The following SYNPR variants were observed in gnomAD, a reference collection of about 807,000 sequenced individuals.
SYNPR encodes synaptoporin.
Under a neutral mutation model 32.9 loss-of-function variants are expected in SYNPR, and 23 were observed. The observed-to-expected ratio is 0.70, with a 90% CI of 0.50 to 0.99. SYNPR has a LOEUF of 0.99. SYNPR is among the 50% of genes least tolerant of loss of function. The probability of loss-of-function intolerance (pLI) is 0.00; values close to 1 mark genes in which losing one functional copy is unlikely to be tolerated. For synonymous variants in SYNPR, 146 were observed against 135.9 expected (o/e 1.07, Z -0.52); for missense variants, 318 against 349.3 (o/e 0.91, Z 0.71).
chr3:63,351,682 G>A lies in SYNPR; in HGVS notation c.84+72940G>A, dbSNP rs148690926. On this transcript the variant is annotated intron_variant, in intron 2 of 5. Transcript: ENST00000478300. ...ATAGTAATAGCATATGTAGGATAAC[G>A]TTCAAAGATTATCTAAGATTTATAG... is the stretch of plus-strand genomic sequence containing the variant. 2.0e-5 allele frequency: 3 copies of A among 152,220 alleles called. No homozygotes were observed. In the East Asian group the frequency reaches 5.8e-4, roughly 29 times the overall value. 9.4% of individuals were successfully genotyped at this position (152,220 alleles called of 1,614,324 possible).
intron 4 of SYNPR, among the ~76,000 whole-genome samples, chr3:63,581,595 C>T (rs1703093413): frequency 6.6e-6 from 1 of 152,070 alleles, no homozygotes; most frequent in African/African-American, 2.4e-5. Flanking sequence ...TCCATCTCAG[C>T]TCCCTCATGA....
intron 2 of SYNPR, among the ~76,000 whole-genome samples, chr3:63,341,938 C>A (rs2087375554): frequency 6.6e-6 from 1 of 152,106 alleles, no homozygotes; most frequent in South Asian, 2.1e-4. Context: ...ATCACCCAAT[C>A]CAAGGTTACT....
At chr3:63,202,063 T>C in the SYNPR span, among the ~76,000 whole-genome samples, 1 of 152,142 alleles carries the variant, frequency 6.6e-6, no homozygotes, top group African/African-American at 2.4e-5. Flanking sequence ...CCCCAGAATA[T>C]ATATTCAAAA....
At chr3:63,329,210 T>C (rs892766267) in intron 2 of SYNPR, among the ~76,000 whole-genome samples, 1 of 152,162 alleles carries the variant, frequency 6.6e-6, no homozygotes, top group Non-Finnish European at 1.5e-5. Context: ...AATACATTAT[T>C]TTATTATGAG....
chr3:63,214,319 C>A, the SYNPR span, among the ~76,000 whole-genome samples: 1 of 38,434 alleles, frequency 2.6e-5, no homozygotes, highest in Non-Finnish European at 6.1e-5. Context: ...TAGAATTCGG[C>A]TGTGAATCCA....
At chr3:63,346,659 G>C (rs1006408089) in intron 2 of SYNPR, among the ~76,000 whole-genome samples, 3 of 152,008 alleles carry the variant, frequency 2.0e-5, no homozygotes, top group Non-Finnish European at 4.4e-5. Flanking sequence ...TTTTAGTAGA[G>C]ATGGGGTTTC....
chr3:63,237,624 T>G (rs559145968), intron 1 of SYNPR, among the ~76,000 whole-genome samples: 1 of 152,280 alleles, frequency 6.6e-6, no homozygotes, highest in African/African-American at 2.4e-5. Context: ...TCAATCCTAC[T>G]GTGAACATTT....
At chr3:63,222,855 T>G in the SYNPR span, among the ~76,000 whole-genome samples, 124 of 152,270 alleles carry the variant, frequency 8.1e-4, 1 homozygote, top group Non-Finnish European at 1.3e-3. Context: ...TGCCAGCAAG[T>G]GTTTGTTGTG....
intron 2 of SYNPR, among the ~76,000 whole-genome samples, chr3:63,433,849 T>C (rs1700034531): frequency 6.6e-6 from 1 of 152,210 alleles, no homozygotes; most frequent in Admixed American, 6.5e-5. Context: ...GCGTAAGACA[T>C]ACTCATCAAA....
chr3:63,522,617 T>A (rs1016917971), intron 3 of SYNPR, among the ~76,000 whole-genome samples: 3 of 152,174 alleles, frequency 2.0e-5, no homozygotes, highest in Non-Finnish European at 2.9e-5. Flanking sequence ...TTTGTTTAGG[T>A]TTCCCAGGTG....
the SYNPR span, among the ~76,000 whole-genome samples, chr3:63,207,292 A>G: frequency 6.6e-6 from 1 of 152,176 alleles, no homozygotes. Flanking sequence ...CTGACTCAAT[A>G]TTAATTTTCC....
At chr3:63,313,718 CATATATATATATCCAT>C (rs1444266923) in intron 2 of SYNPR, among the ~76,000 whole-genome samples, 9 of 43,026 alleles carry the variant, frequency 2.1e-4, no homozygotes, top group African/African-American at 9.1e-4. Context: ...TATATATATC[CATATATATATATCCAT>C]ATATATATAT....
At chr3:63,373,846 C>G (rs2087850111) in intron 2 of SYNPR, among the ~76,000 whole-genome samples, 1 of 152,144 alleles carries the variant, frequency 6.6e-6, no homozygotes, top group African/African-American at 2.4e-5. Context: ...GGCTGGTCAC[C>G]TACAAAGGGA....
chr3:63,598,310 C>G (rs1030186091), intron 4 of SYNPR, among the ~76,000 whole-genome samples: 3 of 152,082 alleles, frequency 2.0e-5, no homozygotes, highest in Non-Finnish European at 4.4e-5. Context: ...TTTCTATACC[C>G]CAGGGTGATC....
At chr3:63,273,769 G>T (rs1256130146), upstream of SYNPR, among the ~76,000 whole-genome samples, 1 of 152,148 alleles carries the variant, frequency 6.6e-6, no homozygotes, top group African/African-American at 2.4e-5. Flanking sequence ...GAAATCTTAT[G>T]ATGTGATGAA....
intron 2 of SYNPR, among the ~76,000 whole-genome samples, chr3:63,372,419 G>A (rs976055498): frequency 2.6e-5 from 4 of 152,160 alleles, no homozygotes; most frequent in African/African-American, 7.2e-5. Context: ...CCACTGCAGC[G>A]ATACTGCCTT....
At chr3:63,205,062 G>A in the SYNPR span, among the ~76,000 whole-genome samples, 5 of 151,996 alleles carry the variant, frequency 3.3e-5, no homozygotes, top group East Asian at 3.9e-4. Flanking sequence ...CCTCTATAAC[G>A]GGGTCATTTC....
At chr3:63,255,389 G>A (rs775355475) in intron 2 of SYNPR, among the ~76,000 whole-genome samples, 3 of 152,070 alleles carry the variant, frequency 2.0e-5, no homozygotes, top group Non-Finnish European at 4.4e-5. Context: ...CTAGAAAGAC[G>A]GTATCCCTGG....
intron 4 of SYNPR, among the ~76,000 whole-genome samples, chr3:63,582,756 G>A (rs1296649932): frequency 2.0e-5 from 3 of 151,974 alleles, no homozygotes; most frequent in Admixed American, 1.3e-4. Flanking sequence ...CTCTGGAATC[G>A]GACTGCATTT....
Sources: gnomAD v4.1 joint callset for allele counts (sites outside exome capture counted in the v4.1 genomes callset) on GRCh38, gnomAD v4.1.1 for gene constraint, MANE v1.5 for transcripts, NCBI Gene and HGNC (gene_info 2026-07-23, HGNC 2026-07-21) for gene names.